The following PTPN9 variants were observed in gnomAD, a reference collection of about 807,000 sequenced individuals.
The protein encoded by PTPN9 is tyrosine-protein phosphatase non-receptor type 9.
In PTPN9, 26 loss-of-function variants were observed where a neutral mutation model predicts 69.8. The ratio of observed to expected loss-of-function variants is 0.37; its 90% CI spans 0.27 to 0.52. The LOEUF (loss-of-function observed/expected upper bound fraction) is 0.52. Among genes scored for constraint, PTPN9 ranks in the 20% least tolerant of loss-of-function variants. The pLI is 0.91. For missense variants in PTPN9, 549 were observed against 740.3 expected (o/e 0.74, Z 3.00); for synonymous variants, 274 against 272.5 (o/e 1.01, Z -0.05).
At chr15:75,511,198 T>A (rs1015606784) in intron 5 of PTPN9, among the ~76,000 whole-genome samples, 1 of 152,194 alleles carries the variant, frequency 6.6e-6, no homozygotes, top group Non-Finnish European at 1.5e-5. Context: ...TTCCACATTG[T>A]TTCCACTTGT....
intron 4 of PTPN9, among the ~76,000 whole-genome samples, chr15:75,520,839 T>C (rs2074901085): frequency 6.6e-6 from 1 of 152,038 alleles, no homozygotes; most frequent in Non-Finnish European, 1.5e-5. Flanking sequence ...CATTTTACTC[T>C]GTTGCCCATG....
chr15:75,511,133 T>A (rs1462889474), intron 5 of PTPN9, among the ~76,000 whole-genome samples: 1 of 152,224 alleles, frequency 6.6e-6, no homozygotes, highest in Non-Finnish European at 1.5e-5. Flanking sequence ...ACATTTGGGT[T>A]GTTTCCACTT....
intron 7 of PTPN9, among the ~76,000 whole-genome samples, chr15:75,497,379 C>G (rs969079844): frequency 6.6e-6 from 1 of 151,926 alleles, no homozygotes; most frequent in Non-Finnish European, 1.5e-5. Flanking sequence ...CTTGTCCCAG[C>G]TACTAGGAAG....
intron 1 of PTPN9, among the ~76,000 whole-genome samples, chr15:75,574,877 G>A (rs1307569487): frequency 2.7e-5 from 4 of 146,112 alleles, no homozygotes; most frequent in African/African-American, 1.0e-4. Flanking sequence ...GGGAGGCAGA[G>A]GTTGCAATGA....
Position 75,530,710 on chromosome 15 carries a change from ATTATATAATATATATAATATATATTAT to A in PTPN9, c.64-3476_64-3450del, listed in dbSNP as rs2074956454. ...TATTATAATATATATAATATATATTATTATATAATATATATAATATATATTATTATATAATATATATAATATAATATA... is the reference window on the plus strand; with the variant it reads ...TATTATAATATATATAATATATATTATATATAATATATATAATATAATATA... On this transcript the variant is annotated intron_variant, in intron 1 of 12. Coordinates refer to ENST00000618819, the MANE Select transcript of PTPN9 (RefSeq NM_002833.4). Among the ~76,000 whole-genome samples, 22 of 30,246 alleles carry A rather than the reference ATTATATAATATATATAATATATATTAT, an allele frequency of 7.3e-4. 2 individuals carry two copies. The highest frequency in any genetic ancestry group is 5.5e-3 in the African/African-American group (22 of 3,996). 19.8% of individuals were successfully genotyped at this position (30,246 alleles called of 152,430 possible).
intron 5 of PTPN9, among the ~76,000 whole-genome samples, chr15:75,516,364 C>A (rs1323756508): frequency 6.8e-6 from 1 of 147,106 alleles, no homozygotes; most frequent in African/African-American, 2.5e-5. Context: ...AGTGCAGTGG[C>A]ACGATCTTGG....
intron 5 of PTPN9, among the ~76,000 whole-genome samples, chr15:75,509,909 A>G (rs1434557735): frequency 2.6e-5 from 4 of 152,180 alleles, no homozygotes. Flanking sequence ...GCTTGAACCC[A>G]GGAAGTGGAG....
intron 1 of PTPN9, among the ~76,000 whole-genome samples, chr15:75,562,388 C>T (rs1346632190): frequency 6.6e-6 from 1 of 152,136 alleles, no homozygotes; most frequent in East Asian, 1.9e-4. Flanking sequence ...CCACAAATGT[C>T]CAGGGAGAGC....
At chr15:75,505,056 G>A (rs2074810643) in intron 7 of PTPN9, among the ~76,000 whole-genome samples, 1 of 152,216 alleles carries the variant, frequency 6.6e-6, no homozygotes, top group African/African-American at 2.4e-5. Flanking sequence ...AAATCGGATG[G>A]TTGCCGTGTC....
rs763602225 is a variant in PTPN9 at position 75,479,811 on chromosome 15, G to A, written c.1129+37C>T. The A allele has an allele frequency of 9.9e-6, 15 of 1,516,986 alleles. No homozygotes were observed. The South Asian group carries it at 1.2e-4, about 12-fold the overall frequency. 94.0% of individuals were successfully genotyped at this position (1,516,986 alleles called of 1,614,324 possible). A position where few individuals can be genotyped will look rare whatever the true frequency, so the allele number is the denominator to read the frequency against. Reference sequence around the variant, plus strand: ...TTGGCACAAGGAATCATAAGTAGATGGCACAAAATCAACATGGGAGGGACG... The same window carrying A: ...TTGGCACAAGGAATCATAAGTAGATAGCACAAAATCAACATGGGAGGGACG... On this transcript the variant is annotated intron_variant, in intron 9 of 12. Coordinates refer to ENST00000618819, the MANE Select transcript of PTPN9 (RefSeq NM_002833.4).
chr15:75,543,031 AAT>A (rs1232066921), intron 1 of PTPN9, among the ~76,000 whole-genome samples: 1 of 115,908 alleles, frequency 8.6e-6, no homozygotes, highest in Non-Finnish European at 1.6e-5. Context: ...CCCGGTGTGT[AAT>A]GTTCCCCTTC....
chr15:75,559,867 C>T (rs1475620737), intron 1 of PTPN9, among the ~76,000 whole-genome samples: 2 of 151,714 alleles, frequency 1.3e-5, no homozygotes, highest in Non-Finnish European at 2.9e-5. Context: ...TCACTGGGCA[C>T]GATGGCTCAT....
At chr15:75,497,610 G>A (rs1334266257) in intron 7 of PTPN9, among the ~76,000 whole-genome samples, 1 of 151,716 alleles carries the variant, frequency 6.6e-6, no homozygotes, top group Non-Finnish European at 1.5e-5. Flanking sequence ...AGACCACTCT[G>A]ACCAACATGG....
At chr15:75,578,201 C>T (rs1041747197) in intron 1 of PTPN9, among the ~76,000 whole-genome samples, 1 of 152,148 alleles carries the variant, frequency 6.6e-6, no homozygotes, top group Non-Finnish European at 1.5e-5. Context: ...CCAAGTGGGC[C>T]TGAGAAACCT....
At chr15:75,473,824 G>C in intron 9 of PTPN9, 57 bp from the exon 10 acceptor site, 8 of 1,390,532 alleles carry the variant, frequency 5.8e-6, no homozygotes, top group Non-Finnish European at 8.1e-6. Flanking sequence ...TTTTTCTTTT[G>C]TAGGCGCTTC....
intron 7 of PTPN9, among the ~76,000 whole-genome samples, chr15:75,498,297 T>A (rs558678653): frequency 5.7e-4 from 86 of 152,156 alleles, no homozygotes; most frequent in African/African-American, 2.0e-3. Flanking sequence ...TTTTTTTACA[T>A]TTTATGTAAT....
intron 2 of PTPN9, among the ~76,000 whole-genome samples, chr15:75,524,830 A>G (rs2074920673): frequency 6.6e-6 from 1 of 151,696 alleles, no homozygotes; most frequent in African/African-American, 2.4e-5. Flanking sequence ...AATGAAGTCA[A>G]CTAAATGAAT....
chr15:75,466,647 T>G lies in PTPN9; in HGVS notation c.*2122A>C, dbSNP rs1354492041. ...AACAACCTGGAATTTAAGAACTTTT[T>G]TTACTCTGAAAGGAGAGCTAAACAA... On this transcript the variant is annotated 3_prime_UTR_variant, in exon 13 of 13. Coordinates refer to ENST00000618819, the MANE Select transcript of PTPN9 (RefSeq NM_002833.4). 6.6e-6 allele frequency: 1 copy of G among 152,160 alleles called. No homozygotes were observed. Among genetic ancestry groups the G allele is most frequent in the East Asian group, 1.9e-4 (1 of 5,200 alleles). 9.4% of individuals were successfully genotyped at this position (152,160 alleles called of 1,614,324 possible).
At chr15:75,560,265 G>C (rs1029494278) in intron 1 of PTPN9, among the ~76,000 whole-genome samples, 3 of 152,166 alleles carry the variant, frequency 2.0e-5, no homozygotes, top group African/African-American at 7.2e-5. Context: ...AGAGCATTTA[G>C]AAATTAATCT....
Sources: allele counts gnomAD v4.1 joint callset (sites outside exome capture counted in the v4.1 genomes callset), GRCh38; gene constraint gnomAD v4.1.1; transcripts MANE v1.5; gene names NCBI Gene and HGNC (gene_info 2026-07-23, HGNC 2026-07-21).